The following DRC11 variants were observed in gnomAD, a reference collection of about 807,000 sequenced individuals.
DRC11 encodes the protein dynein regulatory complex subunit 11.
At chr2:236,358,462 A>G in the DRC11 span, among the ~76,000 whole-genome samples, 1 of 142,490 alleles carries the variant, frequency 7.0e-6, no homozygotes, top group South Asian at 2.1e-4. Flanking sequence ...AAAAGTATAA[A>G]TATTTGATAA....
chr2:236,327,904 A>C, the DRC11 span, among the ~76,000 whole-genome samples: 3 of 152,178 alleles, frequency 2.0e-5, no homozygotes, highest in Non-Finnish European at 4.4e-5. Context: ...CTGGTCTCGA[A>C]CTTCCGACCT....
At chr2:236,357,315 ATAT>A in the DRC11 span, among the ~76,000 whole-genome samples, 3 of 116,848 alleles carry the variant, frequency 2.6e-5, no homozygotes, top group Admixed American at 2.9e-4. Context: ...ATAGATCTAT[ATAT>A]TATATATATT....
chr2:236,354,079 G>A, the DRC11 span, among the ~76,000 whole-genome samples: 3 of 152,112 alleles, frequency 2.0e-5, no homozygotes, highest in Non-Finnish European at 4.4e-5. Context: ...AAGCCTGGCT[G>A]GGCTGGTAAA....
chr2:236,325,890 A>C, the DRC11 span, among the ~76,000 whole-genome samples: 1 of 152,224 alleles, frequency 6.6e-6, no homozygotes, highest in African/African-American at 2.4e-5. This position sits in a 1 kb window ranked among gnomAD's most constrained non-coding sequence, Gnocchi z 4.4. Flanking sequence ...GGTGTGAGCC[A>C]CGGTGCGTGG....
the DRC11 span, among the ~76,000 whole-genome samples, chr2:236,394,215 T>C: frequency 6.6e-6 from 1 of 152,054 alleles, no homozygotes; most frequent in Non-Finnish European, 1.5e-5. The surrounding 1 kb of genome is among the most constrained non-coding windows in gnomAD (Gnocchi z 7.0). Context: ...AGCAGGTGCA[T>C]GCCAGCAAAG....
chr2:236,383,750 G>A, the DRC11 span, among the ~76,000 whole-genome samples: 1 of 151,666 alleles, frequency 6.6e-6, no homozygotes, highest in East Asian at 1.9e-4. Context: ...TGCCATGCTG[G>A]TGCGCTGCAC....
At chr2:236,487,635 A>G in the DRC11 span, among the ~76,000 whole-genome samples, 2 of 152,216 alleles carry the variant, frequency 1.3e-5, no homozygotes, top group South Asian at 2.1e-4. Context: ...TCTGGAATCT[A>G]TTAAGGCCTG....
the DRC11 span, among the ~76,000 whole-genome samples, chr2:236,371,042 G>C: frequency 6.6e-6 from 1 of 152,150 alleles, no homozygotes; most frequent in Admixed American, 6.5e-5. This position sits in a 1 kb window ranked among gnomAD's most constrained non-coding sequence, Gnocchi z 5.1. Context: ...CGTGTCCAGC[G>C]GCTGAGCACG....
At chr2:236,418,664 G>A in the DRC11 span, among the ~76,000 whole-genome samples, 5 of 152,202 alleles carry the variant, frequency 3.3e-5, no homozygotes, top group East Asian at 1.9e-4. Flanking sequence ...ATGTGACACT[G>A]TGTGAACTCT....
chr2:236,340,382 C>A, the DRC11 span, among the ~76,000 whole-genome samples: 1 of 152,190 alleles, frequency 6.6e-6, no homozygotes, highest in Non-Finnish European at 1.5e-5. Context: ...CTTCGGCCTC[C>A]CAAAGTGCTG....
At chr2:236,345,318 C>A in the DRC11 span, among the ~76,000 whole-genome samples, 321 of 152,208 alleles carry the variant, frequency 2.1e-3, no homozygotes, top group Non-Finnish European at 3.8e-3. Context: ...AAGTCCCCAC[C>A]CCCCCCAACC....
At chr2:236,479,120 T>A in the DRC11 span, among the ~76,000 whole-genome samples, 1 of 152,204 alleles carries the variant, frequency 6.6e-6, no homozygotes, top group African/African-American at 2.4e-5. The surrounding 1 kb of genome is among the most constrained non-coding windows in gnomAD (Gnocchi z 4.1). Context: ...CCACTGCACC[T>A]GGCCAGTTTG....
At chr2:236,395,576 A>G in the DRC11 span, among the ~76,000 whole-genome samples, 2 of 152,314 alleles carry the variant, frequency 1.3e-5, no homozygotes, top group African/African-American at 4.8e-5. Flanking sequence ...TTTCTAGTAA[A>G]TTTTCTGAAA....
At chr2:236,341,289 T>C in the DRC11 span, among the ~76,000 whole-genome samples, 5 of 152,214 alleles carry the variant, frequency 3.3e-5, no homozygotes, top group Non-Finnish European at 7.3e-5. Context: ...CCTCATTCTT[T>C]ACCGCCTTCA....
the DRC11 span, among the ~76,000 whole-genome samples, chr2:236,315,179 C>T: frequency 6.6e-6 from 1 of 152,164 alleles, no homozygotes; most frequent in East Asian, 1.9e-4. This position sits in a 1 kb window ranked among gnomAD's most constrained non-coding sequence, Gnocchi z 5.1. Flanking sequence ...TTTTTAAATA[C>T]TTGTTTTCAA....
the DRC11 span, among the ~76,000 whole-genome samples, chr2:236,452,332 G>A: frequency 1.5e-4 from 22 of 151,652 alleles, no homozygotes; most frequent in African/African-American, 4.4e-4. This position sits in a 1 kb window ranked among gnomAD's most constrained non-coding sequence, Gnocchi z 4.7. Flanking sequence ...GAGCTTCAAC[G>A]GGCCTCACAT....
chr2:236,408,902 T>C, the DRC11 span: 1 of 661,194 alleles, frequency 1.5e-6, no homozygotes, highest in South Asian at 1.5e-5. The surrounding 1 kb of genome is among the most constrained non-coding windows in gnomAD (Gnocchi z 5.5). Context: ...GCCTGTTGAC[T>C]TCTTGCACGA....
At chr2:236,469,818 C>T in the DRC11 span, among the ~76,000 whole-genome samples, 1 of 152,086 alleles carries the variant, frequency 6.6e-6, no homozygotes, top group Admixed American at 6.5e-5. The surrounding 1 kb of genome is among the most constrained non-coding windows in gnomAD (Gnocchi z 5.8). Context: ...TAAACAGCAA[C>T]TCATTTAAAA....
chr2:236,405,687 T>C, the DRC11 span, among the ~76,000 whole-genome samples: 96 of 152,300 alleles, frequency 6.3e-4, no homozygotes, highest in African/African-American at 2.3e-3. The surrounding 1 kb of genome is among the most constrained non-coding windows in gnomAD (Gnocchi z 4.6). Flanking sequence ...TAGACGATAG[T>C]AGTCCTCCTT....
Sources: gnomAD v4.1 joint callset for allele counts (sites outside exome capture counted in the v4.1 genomes callset) on GRCh38, gnomAD v4.1.1 for gene constraint, Gnocchi (gnomAD v3.1) non-coding constraint, MANE v1.5 for transcripts, NCBI Gene and HGNC (gene_info 2026-07-23, HGNC 2026-07-21) for gene names.